GREB1L: variants seen among roughly 807,000 people sequenced by gnomAD.
The protein encoded by GREB1L is GREB1-like protein.
In GREB1L, 17 loss-of-function variants were observed where a neutral mutation model predicts 200.8. The observed-to-expected ratio is 0.08, with a 90% CI of 0.06 to 0.13. The LOEUF is 0.13. Ranked by LOEUF, GREB1L falls within the 10% of genes least tolerant of loss-of-function variation. The pLI is 1.00. For missense variants in GREB1L, 1,657 were observed against 2,367.7 expected (o/e 0.70, Z 6.23); for synonymous variants, 789 against 893.0 (o/e 0.88, Z 2.08).
At chr18:21,356,478 C>A (rs1244870066) in intron 1 of GREB1L, among the ~76,000 whole-genome samples, 2 of 152,144 alleles carry the variant, frequency 1.3e-5, no homozygotes, top group Non-Finnish European at 2.9e-5. Context: ...TCAGGTTCAT[C>A]AATGTTGTTC....
At chr18:21,336,868 C>G (rs956414432) in intron 1 of GREB1L, among the ~76,000 whole-genome samples, 2 of 152,292 alleles carry the variant, frequency 1.3e-5, no homozygotes, top group Non-Finnish European at 2.9e-5. Flanking sequence ...CTCCCTACCC[C>G]GCTCCAGCCT....
At chr18:21,477,485 ATGT>A in intron 17 of GREB1L, 129 bp downstream of exon 17, 1 of 735,738 alleles carries the variant, frequency 1.4e-6, no homozygotes, top group Non-Finnish European at 2.0e-6. Flanking sequence ...GTAATGCTTT[ATGT>A]AAGAGTTCAA....
intron 7 of GREB1L, among the ~76,000 whole-genome samples, chr18:21,411,203 C>T (rs1598783525): frequency 6.6e-6 from 1 of 151,122 alleles, no homozygotes; most frequent in South Asian, 2.1e-4. Flanking sequence ...TTGATGTTGG[C>T]AAGGATTCTT....
intron 4 of GREB1L, among the ~76,000 whole-genome samples, chr18:21,390,607 G>T (rs1464800433): frequency 6.6e-6 from 1 of 152,154 alleles, no homozygotes; most frequent in Non-Finnish European, 1.5e-5. Flanking sequence ...CGCAATCTCG[G>T]CTCACTGCAA....
At chr18:21,277,002 C>T (rs530130604) in intron 1 of GREB1L, among the ~76,000 whole-genome samples, 8 of 143,212 alleles carry the variant, frequency 5.6e-5, no homozygotes, top group Non-Finnish European at 1.0e-4. Context: ...GATCTTGGCT[C>T]GCTGTAAGCT....
chr18:21,364,271 AG>A (rs2039624754), intron 1 of GREB1L, among the ~76,000 whole-genome samples: 1 of 152,112 alleles, frequency 6.6e-6, no homozygotes, highest in African/African-American at 2.4e-5. Context: ...CTTCAACTTA[AG>A]GGGCTCTTTG....
chr18:21,450,534 AT>A (rs1476115507), intron 12 of GREB1L: 1 of 152,904 alleles, frequency 6.5e-6, no homozygotes, highest in Non-Finnish European at 1.5e-5. Flanking sequence ...ATACATTAAT[AT>A]TTTTTCATTT....
chr18:21,401,283 C>T lies in GREB1L; in HGVS notation c.666C>T (p.Ser222=). 1 of 1,551,676 alleles carries T rather than the reference C, an allele frequency of 6.4e-7. No homozygotes were observed. Among genetic ancestry groups the T allele is most frequent in the Admixed American group, 2.0e-5 (1 of 51,000 alleles). ...QKHLKYYLVR[S]SQGVLSKGPL... ...ACTTAAAGTACTACCTAGTCAGAAG[C>T]TCCCAGGGTGTACTGTCTAAAGGAC... Residue 222 remains serine (S), a synonymous_variant, in exon 6 of 33, where the codon AGC becomes AGT. Transcript: ENST00000424526.
intron 1 of GREB1L, among the ~76,000 whole-genome samples, chr18:21,267,221 A>C (rs958994792): frequency 3.9e-4 from 42 of 106,356 alleles, no homozygotes; most frequent in Admixed American, 3.3e-3. Context: ...GAGACGGAGC[A>C]CCCAGGCTGG....
intron 15 of GREB1L, among the ~76,000 whole-genome samples, chr18:21,469,630 G>A (rs144904960): frequency 3.9e-5 from 6 of 152,256 alleles, no homozygotes; most frequent in African/African-American, 1.4e-4. Context: ...AGTCCACTCA[G>A]CAGACAGAGC....
Position 21,510,073 on chromosome 18 carries a change from G to A in GREB1L, c.4735+1482G>A, listed in dbSNP as rs190755105. Reference sequence around the variant, plus strand: ...AAATACAAAAAAAAAAATTAGCTGGGTGTGGTGGTGTGCGCCTGTAATACC... The same window carrying A: ...AAATACAAAAAAAAAAATTAGCTGGATGTGGTGGTGTGCGCCTGTAATACC... On this transcript the variant is annotated intron_variant, in intron 27 of 32. Coordinates refer to ENST00000424526, the MANE Select transcript of GREB1L (RefSeq NM_001142966.3). Among the ~76,000 whole-genome samples, 5 of 151,974 alleles carry A rather than the reference G, an allele frequency of 3.3e-5. No individual in the cohort carries two copies. The East Asian group carries it at 9.7e-4, about 29-fold the overall frequency.
intron 1 of GREB1L, among the ~76,000 whole-genome samples, chr18:21,296,321 A>C (rs1194761334): frequency 1.3e-5 from 2 of 152,230 alleles, no homozygotes; most frequent in Non-Finnish European, 2.9e-5. Context: ...AAGTGAATTA[A>C]TGTAAGAACA....
At chr18:21,251,167 C>T (rs1261120844) in intron 1 of GREB1L, among the ~76,000 whole-genome samples, 1 of 151,436 alleles carries the variant, frequency 6.6e-6, no homozygotes, top group Non-Finnish European at 1.5e-5. Flanking sequence ...AACAAACAAA[C>T]AAACGAAAAC....
intron 1 of GREB1L, among the ~76,000 whole-genome samples, chr18:21,342,606 T>A (rs1468841333): frequency 6.6e-6 from 1 of 152,200 alleles, no homozygotes; most frequent in Non-Finnish European, 1.5e-5. Flanking sequence ...CACTGCTTCC[T>A]TTGGTCATCT....
chr18:21,353,297 A>G (rs1372006794), intron 1 of GREB1L, among the ~76,000 whole-genome samples: 2 of 152,178 alleles, frequency 1.3e-5, no homozygotes, highest in African/African-American at 4.8e-5. Context: ...TGTTTCACTT[A>G]CGGATGGATT....
At chr18:21,471,620 C>CTTT (rs77038675) in intron 15 of GREB1L, among the ~76,000 whole-genome samples, 3 of 142,352 alleles carry the variant, frequency 2.1e-5, no homozygotes, top group South Asian at 2.2e-4. Flanking sequence ...TCTTTTGTTT[C>CTTT]TTTTTTTTTT....
chr18:21,449,008 T>C (rs2034386002), intron 11 of GREB1L, among the ~76,000 whole-genome samples: 1 of 152,210 alleles, frequency 6.6e-6, no homozygotes, highest in African/African-American at 2.4e-5. Context: ...TAATTAAACT[T>C]CATTTCCTGC....
chr18:21,364,032 C>T (rs1252098512), intron 1 of GREB1L, among the ~76,000 whole-genome samples: 4 of 152,052 alleles, frequency 2.6e-5, no homozygotes, highest in Non-Finnish European at 4.4e-5. Flanking sequence ...AGAAATCTAA[C>T]CTTAAAATTT....
At chr18:21,281,546 A>T (rs529583390) in intron 1 of GREB1L, among the ~76,000 whole-genome samples, 1 of 152,238 alleles carries the variant, frequency 6.6e-6, no homozygotes, top group African/African-American at 2.4e-5. Context: ...CTCTATAGGT[A>T]ATAGAAGCTA....
Sources: allele counts gnomAD v4.1 joint callset (sites outside exome capture counted in the v4.1 genomes callset), GRCh38; gene constraint gnomAD v4.1.1; transcripts MANE v1.5; gene names NCBI Gene and HGNC (gene_info 2026-07-23, HGNC 2026-07-21).